SLC35F5: variants seen among roughly 807,000 people sequenced by gnomAD.
The protein encoded by SLC35F5 is solute carrier family 35 member F5.
SLC35F5 carries 54 observed loss-of-function variants against 68.6 expected under a neutral mutation model. The observed-to-expected ratio is 0.79, with a 90% CI of 0.63 to 0.99. The LOEUF is 0.99. Ranked by LOEUF, SLC35F5 falls within the 50% of genes least tolerant of loss-of-function variation. SLC35F5 has a pLI of 0.00. For missense variants in SLC35F5, 567 were observed against 626.9 expected (o/e 0.90, Z 1.02); for synonymous variants, 211 against 205.2 (o/e 1.03, Z -0.24).
intron 13 of SLC35F5, among the ~76,000 whole-genome samples, chr2:113,720,326 TAA>T (rs35908818): frequency 0.11 from 15,029 of 138,944 alleles, 833 homozygotes; most frequent in Non-Finnish European, 0.13. Context: ...CTTTGAGAAT[TAA>T]AAAAAAAAAA....
In SLC35F5 at chr2:113,756,446, A is replaced by G; in HGVS notation, c.-37T>C. The G allele has an allele frequency of 6.5e-7, 1 of 1,539,464 alleles. No individual in the cohort carries two copies. Among genetic ancestry groups the G allele is most frequent in the Non-Finnish European group, 8.7e-7 (1 of 1,145,262 alleles). On this transcript the variant is annotated 5_prime_UTR_variant, in exon 1 of 16. Coordinates refer to ENST00000245680, the MANE Select transcript of SLC35F5 (RefSeq NM_025181.5). ...TCAGGCCCCGCAGCCGCCCAGCGCC[A>G]CGGCCGCGGCCTCGGACTCACAGAG...
chr2:113,725,632 G>T, intron 11 of SLC35F5, 95 bp from the exon 12 acceptor site: 3 of 1,203,212 alleles, frequency 2.5e-6, no homozygotes, highest in Non-Finnish European at 3.4e-6. Context: ...TTGCACAAAA[G>T]CACTCTGGGA....
At chr2:113,706,632 C>T (rs954011156), downstream of SLC35F5, among the ~76,000 whole-genome samples, 2 of 152,152 alleles carry the variant, frequency 1.3e-5, no homozygotes, top group African/African-American at 4.8e-5. Flanking sequence ...AATGTTTGGT[C>T]TCCAAAGCTG....
intron 10 of SLC35F5, among the ~76,000 whole-genome samples, chr2:113,730,669 A>T (rs1338581318): frequency 2.0e-5 from 3 of 152,214 alleles, no homozygotes; most frequent in Non-Finnish European, 4.4e-5. Context: ...CCTGGCCTCA[A>T]GCGATCCTCC....
intron 11 of SLC35F5, among the ~76,000 whole-genome samples, chr2:113,726,347 T>A (rs1205029550): frequency 6.6e-6 from 1 of 152,072 alleles, no homozygotes; most frequent in Non-Finnish European, 1.5e-5. Context: ...ATTATAGAAA[T>A]TAAGTTTATA....
At chr2:113,731,151 G>A (rs957913269) in intron 10 of SLC35F5, among the ~76,000 whole-genome samples, 1 of 151,990 alleles carries the variant, frequency 6.6e-6, no homozygotes, top group Non-Finnish European at 1.5e-5. Flanking sequence ...AAACCAACTA[G>A]GTGGTACCCT....
chr2:113,753,921 G>T (rs984737395), intron 3 of SLC35F5, among the ~76,000 whole-genome samples: 1 of 152,096 alleles, frequency 6.6e-6, no homozygotes, highest in African/African-American at 2.4e-5. Context: ...TCATCTAAAA[G>T]AAGGTTAGAG....
At chr2:113,747,586 T>A (rs1676547389) in intron 4 of SLC35F5, among the ~76,000 whole-genome samples, 1 of 152,026 alleles carries the variant, frequency 6.6e-6, no homozygotes, top group Non-Finnish European at 1.5e-5. Context: ...TCCCAAAAAA[T>A]ATATGAAAAA....
At chr2:113,704,841 G>C (rs970420013), downstream of SLC35F5, among the ~76,000 whole-genome samples, 1 of 152,176 alleles carries the variant, frequency 6.6e-6, no homozygotes, top group African/African-American at 2.4e-5. Flanking sequence ...GCCAGCCCAG[G>C]AAGGGGCTCC....
chr2:113,703,728 A>G (rs1232713208), downstream of SLC35F5: 1 of 152,232 alleles, frequency 6.6e-6, no homozygotes, highest in Non-Finnish European at 1.5e-5. Flanking sequence ...TAACTGGTTT[A>G]CGGCCCTGAG....
chr2:113,723,104 C>T lies in SLC35F5; in HGVS notation c.1341G>A (p.Lys447=), dbSNP rs764971067. ...LSIIADMCMQ[K]VQFSWLFFAG... is the part of the protein sequence containing the mutation. ...TATGAATAATAAATAGTTTCCTTACCTTTTGCATACACATGTCAGCTATTA... is the reference window on the plus strand; with the variant it reads ...TATGAATAATAAATAGTTTCCTTACTTTTTGCATACACATGTCAGCTATTA... Residue 447 remains lysine, a splice_region_variant and synonymous_variant, in exon 13 of 16, where the codon AAG becomes AAA. Coordinates refer to ENST00000245680, the MANE Select transcript of SLC35F5 (RefSeq NM_025181.5). 3.3e-6 allele frequency: 5 copies of T among 1,538,022 alleles called. No individual in the cohort carries two copies. In the African/African-American group the frequency reaches 4.2e-5, roughly 13 times the overall value.
intron 1 of SLC35F5, chr2:113,756,078 A>C: frequency 1.4e-6 from 2 of 1,453,366 alleles, no homozygotes; most frequent in Non-Finnish European, 1.8e-6. Flanking sequence ...TTTTAAAAGA[A>C]ACAGCTGGGA....
rs1391086995 is a variant in SLC35F5 at position 113,712,851 on chromosome 2, G to A, written c.*2367C>T. The A allele has an allele frequency of 6.6e-6, 1 of 152,164 alleles. No homozygotes were observed. The highest frequency in any genetic ancestry group is 2.4e-5 in the African/African-American group (1 of 41,446). 9.4% of individuals were successfully genotyped at this position (152,164 alleles called of 1,614,324 possible). A position where few individuals can be genotyped will look rare whatever the true frequency, so the allele number is the denominator to read the frequency against. On this transcript the variant is annotated 3_prime_UTR_variant, in exon 16 of 16. Coordinates refer to ENST00000245680, the MANE Select transcript of SLC35F5 (RefSeq NM_025181.5). ...GAAAAATATAATTACAGGCCAACAT[G>A]GGTCTGACAGAGAGGAAGGACGTCA...
At chr2:113,740,948 G>T (rs1676248986) in intron 7 of SLC35F5, among the ~76,000 whole-genome samples, 1 of 151,930 alleles carries the variant, frequency 6.6e-6, no homozygotes, top group Admixed American at 6.6e-5. Context: ...TTATAAAACT[G>T]AAATTATCTG....
rs1686961117 is a variant in SLC35F5 at position 113,710,809 on chromosome 2, A to G, written c.*4409T>C. Among the ~76,000 whole-genome samples, 1 of 151,532 alleles carries G rather than the reference A, an allele frequency of 6.6e-6. No individual in the cohort carries two copies. The highest frequency in any genetic ancestry group is 2.4e-5 in the African/African-American group (1 of 41,238). On this transcript the variant is annotated 3_prime_UTR_variant, in exon 16 of 16. Coordinates refer to ENST00000245680, the MANE Select transcript of SLC35F5 (RefSeq NM_025181.5). ...AATTTCATCTCATGTCAAAAATAAG[A>G]CTCTTGGACAGAAATCTTCTGCCTG...
intron 14 of SLC35F5, among the ~76,000 whole-genome samples, chr2:113,718,865 A>AAAAGAAAG (rs765844454): frequency 0.024 from 2,942 of 123,394 alleles, 51 homozygotes; most frequent in East Asian, 0.045. Flanking sequence ...GAGAGAAAGA[A>AAAAGAAAG]AAAGAAAGAA....
chr2:113,739,913 T>A (rs1413068959), intron 7 of SLC35F5, among the ~76,000 whole-genome samples: 1 of 152,198 alleles, frequency 6.6e-6, no homozygotes, highest in Non-Finnish European at 1.5e-5. Flanking sequence ...TACAATAAAG[T>A]AAGCTAAAGA....
intron 14 of SLC35F5, 94 bp downstream of exon 14, chr2:113,719,060 C>T: frequency 8.6e-7 from 1 of 1,157,446 alleles, no homozygotes; most frequent in Non-Finnish European, 1.2e-6. Context: ...TCAATAATTC[C>T]TCACAAAATC....
chr2:113,736,651 A>G (rs1688108852), intron 7 of SLC35F5, among the ~76,000 whole-genome samples: 1 of 152,198 alleles, frequency 6.6e-6, no homozygotes, highest in East Asian at 1.9e-4. Flanking sequence ...TTCACTTTGG[A>G]AATTTAGAAA....
Sources: gnomAD v4.1 joint callset for allele counts (sites outside exome capture counted in the v4.1 genomes callset) on GRCh38, gnomAD v4.1.1 for gene constraint, MANE v1.5 for transcripts, NCBI Gene and HGNC (gene_info 2026-07-23, HGNC 2026-07-21) for gene names.